Variants in MBD5 observed in about 807,000 individuals in gnomAD.
The protein encoded by MBD5 is methyl-CpG binding domain protein 5, also known as methyl-CpG-binding domain protein 5.
A neutral mutation model predicts 117.3 loss-of-function variants in MBD5; 13 were observed. The ratio of observed to expected loss-of-function variants is 0.11; its 90% CI spans 0.07 to 0.18. The LOEUF (loss-of-function observed/expected upper bound fraction) is 0.18, where lower values mean the gene tolerates loss of function less well. MBD5 is among the 10% of genes least tolerant of loss of function. The pLI is 1.00. For missense variants in MBD5, 1,879 were observed against 2,093.8 expected (o/e 0.90, Z 2.00); for synonymous variants, 727 against 766.4 (o/e 0.95, Z 0.85).
At chr2:148,450,428 T>G (rs1043493052) in intron 4 of MBD5, among the ~76,000 whole-genome samples, 8 of 152,164 alleles carry the variant, frequency 5.3e-5, no homozygotes, top group Non-Finnish European at 8.8e-5. Context: ...GAAATAATAT[T>G]TTTGATTCTG....
intron 11 of MBD5, among the ~76,000 whole-genome samples, chr2:148,491,824 G>T (rs1328794529): frequency 6.6e-6 from 1 of 151,886 alleles, no homozygotes; most frequent in Non-Finnish European, 1.5e-5. Context: ...GTTTATTCAA[G>T]AAATAATTAG....
At chr2:148,439,455 G>T (rs1307143169) in intron 4 of MBD5, among the ~76,000 whole-genome samples, 1 of 151,992 alleles carries the variant, frequency 6.6e-6, no homozygotes, top group Non-Finnish European at 1.5e-5. Context: ...GGGTGGTTCT[G>T]GTCCATTTTT....
At chr2:148,494,856 C>T (rs1346877892) in intron 11 of MBD5, among the ~76,000 whole-genome samples, 1 of 151,882 alleles carries the variant, frequency 6.6e-6, no homozygotes, top group East Asian at 1.9e-4. Context: ...CCAGCTACTG[C>T]GGAGGCTGAG....
At position 148,510,085 on chromosome 2, in the gene MBD5, G is replaced by A; in HGVS notation, c.5062G>A (p.Glu1688Lys). 2 of 1,612,932 alleles carry A rather than the reference G, an allele frequency of 1.2e-6. No homozygotes were observed. The highest frequency in any genetic ancestry group is 1.7e-6 in the Non-Finnish European group (2 of 1,179,098). Residue 1688 changes from glutamate to lysine, a missense_variant, in exon 13 of 14, where the codon GAA becomes AAA. This residue lies in a region of MBD5 where 135 missense variants were observed against 148.0 expected (regional missense o/e 0.91). Coordinates refer to ENST00000642680, the MANE Select transcript of MBD5 (RefSeq NM_001378120.1). ...AAGTGGAAAGCTAAATAACCATTTAGAAGCTGCTATTCATGAGGCCATGAG... is the reference window on the plus strand; with the variant it reads ...AAGTGGAAAGCTAAATAACCATTTAAAAGCTGCTATTCATGAGGCCATGAG... ...RKSGKLNNHL[E>K]AAIHEAMSEL...
chr2:148,387,631 G>A (rs904359879), intron 4 of MBD5, among the ~76,000 whole-genome samples: 1 of 151,876 alleles, frequency 6.6e-6, no homozygotes, highest in Non-Finnish European at 1.5e-5. Context: ...TAAATTATTA[G>A]ATGTAATAAA....
intron 3 of MBD5, among the ~76,000 whole-genome samples, chr2:148,290,211 G>A (rs1318156143): frequency 6.7e-6 from 1 of 149,466 alleles, no homozygotes; most frequent in South Asian, 2.1e-4. Flanking sequence ...ACCTGCCTCA[G>A]CCTCCCAAAG....
At chr2:148,102,779 G>C (rs1696265937) in intron 1 of MBD5, among the ~76,000 whole-genome samples, 2 of 146,828 alleles carry the variant, frequency 1.4e-5, no homozygotes, top group Admixed American at 1.4e-4. Context: ...GAGAGAGAGA[G>C]AGATCCAAAT....
At chr2:148,112,587 C>A (rs1250490863) in intron 1 of MBD5, among the ~76,000 whole-genome samples, 2 of 152,160 alleles carry the variant, frequency 1.3e-5, no homozygotes, top group African/African-American at 2.4e-5. Flanking sequence ...GTACTTAATA[C>A]AAATAGTCTT....
chr2:148,322,589 C>T (rs529286268), intron 3 of MBD5, among the ~76,000 whole-genome samples: 102 of 152,062 alleles, frequency 6.7e-4, no homozygotes, highest in African/African-American at 2.3e-3. Flanking sequence ...ACTTACATAC[C>T]TTGATTATTA....
At chr2:148,199,510 T>C (rs1210705540) in intron 2 of MBD5, among the ~76,000 whole-genome samples, 1 of 152,174 alleles carries the variant, frequency 6.6e-6, no homozygotes, top group Non-Finnish European at 1.5e-5. Context: ...GGCTCATGTC[T>C]ATAATCTAAC....
chr2:148,229,160 G>A (rs1278772897), intron 2 of MBD5, among the ~76,000 whole-genome samples: 4 of 150,806 alleles, frequency 2.7e-5, no homozygotes, highest in African/African-American at 9.7e-5. Context: ...AGCCTGCTTT[G>A]CTTCATTGTT....
At chr2:148,246,513 G>A (rs951264475) in intron 3 of MBD5, among the ~76,000 whole-genome samples, 17 of 152,114 alleles carry the variant, frequency 1.1e-4, no homozygotes, top group African/African-American at 3.6e-4. Context: ...GCTCATGCCT[G>A]TAATCCCAGC....
intron 4 of MBD5, among the ~76,000 whole-genome samples, chr2:148,441,901 C>G (rs1706337174): frequency 1.3e-5 from 2 of 152,100 alleles, no homozygotes; most frequent in African/African-American, 4.8e-5. Flanking sequence ...GCATAAATGT[C>G]TTCTTTTGAG....
chr2:148,189,106 A>C (rs986417179), intron 2 of MBD5, among the ~76,000 whole-genome samples: 1 of 143,812 alleles, frequency 7.0e-6, no homozygotes, highest in Non-Finnish European at 1.5e-5. Context: ...AGAGGGTCCT[A>C]CGCCCACGGA....
At chr2:148,197,417 G>T (rs1206500846) in intron 2 of MBD5, among the ~76,000 whole-genome samples, 2 of 151,884 alleles carry the variant, frequency 1.3e-5, no homozygotes, top group African/African-American at 4.8e-5. Context: ...AATTAATTAG[G>T]ACAAAAAAAG....
intron 4 of MBD5, among the ~76,000 whole-genome samples, chr2:148,403,411 C>T (rs1704984136): frequency 6.6e-6 from 1 of 152,104 alleles, no homozygotes; most frequent in South Asian, 2.1e-4. Flanking sequence ...AGTTCCTGAC[C>T]TCATGTGATC....
chr2:148,294,229 T>G (rs1574250020), intron 3 of MBD5, among the ~76,000 whole-genome samples: 2 of 30,732 alleles, frequency 6.5e-5, no homozygotes, highest in East Asian at 1.1e-3. Flanking sequence ...TTTTTTTTTT[T>G]TTTTTTTTTT....
chr2:148,369,601 C>T (rs895802755), intron 4 of MBD5, among the ~76,000 whole-genome samples: 3 of 152,020 alleles, frequency 2.0e-5, no homozygotes, highest in Non-Finnish European at 2.9e-5. Flanking sequence ...AGTCCCTCAG[C>T]CTATTCTTGC....
chr2:148,341,336 GT>G (rs368103489), intron 3 of MBD5, among the ~76,000 whole-genome samples: 2,468 of 147,848 alleles, frequency 0.017, 53 homozygotes, highest in African/African-American at 0.051. Flanking sequence ...TTTAATGTAA[GT>G]TTTTTTTTTT....
Sources: allele counts gnomAD v4.1 joint callset (sites outside exome capture counted in the v4.1 genomes callset), GRCh38; gene constraint gnomAD v4.1.1; regional missense constraint gnomAD v4.1.1; transcripts MANE v1.5; gene names NCBI Gene and HGNC (gene_info 2026-07-23, HGNC 2026-07-21).